The following RGS7 variants were observed in gnomAD, a reference collection of about 807,000 sequenced individuals.
RGS7 encodes regulator of G protein signaling 7.
A neutral mutation model predicts 81.1 loss-of-function variants in RGS7; 27 were observed. The ratio of observed to expected loss-of-function variants is 0.33; its 90% CI spans 0.25 to 0.46. The LOEUF (loss-of-function observed/expected upper bound fraction) is 0.46. RGS7 is among the 20% of genes least tolerant of loss of function. The probability of loss-of-function intolerance (pLI) is 1.00; values close to 1 mark genes in which losing one functional copy is unlikely to be tolerated. For missense variants in RGS7, 396 were observed against 607.4 expected (o/e 0.65, Z 3.66); for synonymous variants, 208 against 207.7 (o/e 1.00, Z -0.01).
chr1:241,146,756 C>T (rs933677010), intron 2 of RGS7, among the ~76,000 whole-genome samples: 23 of 152,280 alleles, frequency 1.5e-4, no homozygotes, highest in African/African-American at 5.5e-4. Flanking sequence ...GTGTCTTATA[C>T]ACAACAGGAA....
intron 2 of RGS7, among the ~76,000 whole-genome samples, chr1:241,182,944 CT>C (rs67489117): frequency 0.2 from 29,681 of 145,160 alleles, 3,497 homozygotes; most frequent in Admixed American, 0.28. Context: ...AAACGTTTTT[CT>C]TTTTTTTTTT....
At chr1:241,224,606 T>C (rs118147192) in intron 2 of RGS7, among the ~76,000 whole-genome samples, 4 of 152,260 alleles carry the variant, frequency 2.6e-5, no homozygotes, top group East Asian at 3.9e-4. Flanking sequence ...ATTTGGTCAA[T>C]TGTGGTTTAC....
chr1:240,859,440 G>GTTTTTTTTTTTT (rs5782167), intron 9 of RGS7, among the ~76,000 whole-genome samples: 72 of 110,822 alleles, frequency 6.5e-4, no homozygotes, highest in African/African-American at 2.3e-3. Context: ...TTTCTTTCCT[G>GTTTTTTTTTTTT]TTTTTTTTTT....
chr1:241,017,776 TA>T (rs753790030), intron 3 of RGS7, among the ~76,000 whole-genome samples: 7 of 152,208 alleles, frequency 4.6e-5, no homozygotes, highest in Non-Finnish European at 1.0e-4. Flanking sequence ...GTAGCTTGAA[TA>T]GGATAAGCCT....
intron 6 of RGS7, among the ~76,000 whole-genome samples, chr1:240,883,020 C>T (rs1026018627): frequency 6.6e-6 from 1 of 152,138 alleles, no homozygotes; most frequent in Non-Finnish European, 1.5e-5. Context: ...CAACAGTTTG[C>T]TGAGAATGAT....
Position 241,174,098 on chromosome 1 carries a change from A to C in RGS7, c.79-75336T>G, listed in dbSNP as rs530213293. Among the ~76,000 whole-genome samples the C allele has an allele frequency of 3.3e-5, 5 of 152,352 alleles. No homozygotes were observed. In the South Asian group the frequency reaches 1.0e-3, roughly 32 times the overall value. On this transcript the variant is annotated intron_variant, in intron 2 of 18. Transcript: ENST00000440928. ...TTTAATGAGAATTATAGGACTTGCTATCCACCTTGAGGTCTGCTGGAGATA... is the reference window on the plus strand; with the variant it reads ...TTTAATGAGAATTATAGGACTTGCTCTCCACCTTGAGGTCTGCTGGAGATA...
chr1:241,292,070 C>T (rs75235897), intron 2 of RGS7, among the ~76,000 whole-genome samples: 4,538 of 152,202 alleles, frequency 0.03, 199 homozygotes, highest in African/African-American at 0.1. Context: ...ATCACTGTTT[C>T]CACCTCCATG....
chr1:241,220,995 A>AAGAAAGAAAGAG lies in RGS7; in HGVS notation c.79-122234_79-122233insCTCTTTCTTTCT, dbSNP rs57622222. Reference sequence around the variant, plus strand: ...GAAGGAAGGAAGGAAGGAAGGAAGGAAGAGAGAGAGAAAGGAAGGAAGGAA... The same window carrying AAGAAAGAAAGAG: ...GAAGGAAGGAAGGAAGGAAGGAAGGAAGAAAGAAAGAGAGAGAGAGAGAAAGGAAGGAAGGAA... On this transcript the variant is annotated intron_variant, in intron 2 of 18. Coordinates refer to ENST00000440928, the MANE Select transcript of RGS7 (RefSeq NM_001364886.1). Among the ~76,000 whole-genome samples, 48 of 42,314 alleles carry AAGAAAGAAAGAG rather than the reference A, an allele frequency of 1.1e-3. 3 individuals carry two copies. The highest frequency in any genetic ancestry group is 3.3e-3 in the African/African-American group (45 of 13,798). 27.8% of individuals were successfully genotyped at this position (42,314 alleles called of 152,430 possible). A position where few individuals can be genotyped will look rare whatever the true frequency, so the allele number is the denominator to read the frequency against.
At chr1:241,075,779 A>G (rs2062764226) in intron 3 of RGS7, among the ~76,000 whole-genome samples, 1 of 152,216 alleles carries the variant, frequency 6.6e-6, no homozygotes, top group Admixed American at 6.5e-5. Flanking sequence ...ATACCTTTAC[A>G]CAATTTCATG....
At position 241,333,395 on chromosome 1, in the gene RGS7, T is replaced by C. The variant is rs567141330; in HGVS notation, c.78+22304A>G. The stretch of plus-strand genomic sequence containing the variant: ...TTTATTTCAAGTCTGTTAGAACAGA[T>C]GTATTCAAAATGACATCTAGATAAG... On this transcript the variant is annotated intron_variant, in intron 2 of 18. Coordinates refer to ENST00000440928, the MANE Select transcript of RGS7 (RefSeq NM_001364886.1). Among the ~76,000 whole-genome samples the C allele has an allele frequency of 5.9e-5, 9 of 152,320 alleles. No individual in the cohort carries two copies. In the South Asian group the frequency reaches 1.7e-3, roughly 28 times the overall value.
At position 241,132,741 on chromosome 1, in the gene RGS7, A is replaced by ATTTGTTTG. The variant is rs751782828; in HGVS notation, c.79-33987_79-33980dup. Among the ~76,000 whole-genome samples the ATTTGTTTG allele has an allele frequency of 1.3e-3, 199 of 151,102 alleles. 1 individual carries two copies. Among genetic ancestry groups the ATTTGTTTG allele is most frequent in the Middle Eastern group, 3.4e-3 (1 of 294 alleles). On this transcript the variant is annotated intron_variant, in intron 2 of 18. Transcript: ENST00000440928. ...AGGTCTGTCAATAATTCAACTTATT[A>ATTTGTTTG]TTTGTTTGTTTGTTTGTTTGTTTGT...
At chr1:241,113,907 T>C (rs2065705368) in intron 2 of RGS7, among the ~76,000 whole-genome samples, 3 of 152,234 alleles carry the variant, frequency 2.0e-5, no homozygotes, top group Admixed American at 2.0e-4. Flanking sequence ...TATTCCCTAC[T>C]TATGACACAC....
chr1:241,013,493 G>A (rs1308839699), intron 3 of RGS7, among the ~76,000 whole-genome samples: 5 of 152,132 alleles, frequency 3.3e-5, no homozygotes, highest in East Asian at 1.9e-4. Context: ...AAGAACTTGC[G>A]AGGGTTAAGA....
chr1:241,048,262 CT>C (rs2061053972), intron 3 of RGS7, among the ~76,000 whole-genome samples: 1 of 152,124 alleles, frequency 6.6e-6, no homozygotes, highest in Admixed American at 6.5e-5. Context: ...CAGCCTCCCC[CT>C]GGTGAGCCTA....
intron 3 of RGS7, among the ~76,000 whole-genome samples, chr1:241,061,162 A>ACCCCCAAGT (rs1333363785): frequency 1.3e-5 from 2 of 152,230 alleles, no homozygotes; most frequent in African/African-American, 4.8e-5. Flanking sequence ...GACCCCCAAG[A>ACCCCCAAGT]CTGACAGTCC....
chr1:241,354,682 T>C (rs2083450230), intron 2 of RGS7, among the ~76,000 whole-genome samples: 1 of 152,216 alleles, frequency 6.6e-6, no homozygotes, highest in African/African-American at 2.4e-5. Context: ...ATCCCCTTGC[T>C]GAAAAAGAAA....
At chr1:241,313,094 T>C (rs552068429) in intron 2 of RGS7, among the ~76,000 whole-genome samples, 1 of 152,126 alleles carries the variant, frequency 6.6e-6, no homozygotes, top group Non-Finnish European at 1.5e-5. Context: ...AGGAGAAAAT[T>C]TGATAGCTAG....
intron 6 of RGS7, among the ~76,000 whole-genome samples, chr1:240,873,179 G>A (rs1664796192): frequency 6.6e-6 from 1 of 152,070 alleles, no homozygotes. Context: ...TGCTCTATAT[G>A]GTGCTAGGTA....
rs1193855434 is a variant in RGS7, at chr1:241,163,067, T to C, written c.79-64305A>G. Among the ~76,000 whole-genome samples, 1 of 152,180 alleles carries C rather than the reference T, an allele frequency of 6.6e-6. No homozygotes were observed. The highest frequency in any genetic ancestry group is 2.4e-5 in the African/African-American group (1 of 41,442). On this transcript the variant is annotated intron_variant, in intron 2 of 18. Coordinates refer to ENST00000440928, the MANE Select transcript of RGS7 (RefSeq NM_001364886.1). This position sits in a 1 kb window ranked among gnomAD's most constrained non-coding sequence, Gnocchi z 4.6. ...ATAAACTATATAATAGGGGCAGATATGAGCAGTGTCAGATTAAGCAGAGAC... is the reference window on the plus strand; with the variant it reads ...ATAAACTATATAATAGGGGCAGATACGAGCAGTGTCAGATTAAGCAGAGAC...
Sources: gnomAD v4.1 joint callset for allele counts (sites outside exome capture counted in the v4.1 genomes callset) on GRCh38, gnomAD v4.1.1 for gene constraint, Gnocchi (gnomAD v3.1) non-coding constraint, MANE v1.5 for transcripts, NCBI Gene and HGNC (gene_info 2026-07-23, HGNC 2026-07-21) for gene names.